BMP7: variants seen among roughly 807,000 people sequenced by gnomAD.
BMP7 encodes the protein osteogenic protein 1.
In BMP7, 12 loss-of-function variants were observed where a neutral mutation model predicts 41.2. That is an observed-to-expected ratio of 0.29 (90% CI 0.19 to 0.47). The LOEUF (loss-of-function observed/expected upper bound fraction) is 0.47, where lower values mean the gene tolerates loss of function less well. BMP7 is among the 20% of genes least tolerant of loss of function. BMP7 has a pLI of 0.99. For missense variants in BMP7, 467 were observed against 606.0 expected, an observed-to-expected ratio of 0.77 and a Z score of 2.41; for synonymous variants, 248 against 250.0, an observed-to-expected ratio of 0.99 and a Z score of 0.07.
chr20:57,173,533 A>G (rs962256697), intron 5 of BMP7: 5 of 620,994 alleles, frequency 8.1e-6, no homozygotes, highest in Non-Finnish European at 1.4e-5. Context: ...GTCTTGGCCT[A>G]TAGTCCAAGC....
chr20:57,195,261 CT>C lies in BMP7; in HGVS notation c.760+7213del, dbSNP rs368019400. ...GGGTGGCATCTCGGTTTCCTTGTGGCTTTTTTGTTTTCCAGGCCCAGGGCTA... is the reference window on the plus strand; with the variant it reads ...GGGTGGCATCTCGGTTTCCTTGTGGCTTTTTGTTTTCCAGGCCCAGGGCTA... On this transcript the variant is annotated intron_variant, in intron 3 of 6. Coordinates refer to ENST00000395863, the MANE Select transcript of BMP7 (RefSeq NM_001719.3). Among the ~76,000 whole-genome samples, 510 of 152,270 alleles carry C rather than the reference CT, an allele frequency of 3.3e-3. 4 individuals are homozygous for C. The highest frequency in any genetic ancestry group is 0.011 in the African/African-American group (474 of 41,546).
intron 2 of BMP7, among the ~76,000 whole-genome samples, chr20:57,219,809 C>T (rs1258845035): frequency 3.3e-5 from 5 of 152,170 alleles, no homozygotes; most frequent in African/African-American, 9.7e-5. Context: ...CCCCACTGCC[C>T]GATGCTCCTA....
Position 57,171,226 on chromosome 20 carries a change from T to C in BMP7, c.1147-118A>G. 7.0e-7 allele frequency: 1 copy of C among 1,428,742 alleles called. No homozygotes were observed. The highest frequency in any genetic ancestry group is 9.7e-7 in the Non-Finnish European group (1 of 1,029,922). 88.5% of individuals were successfully genotyped at this position (1,428,742 alleles called of 1,614,324 possible). A position where few individuals can be genotyped will look rare whatever the true frequency, so the allele number is the denominator to read the frequency against. Reference sequence around the variant, plus strand: ...CATAATGAATGACTGCAGGTGACACTCCCCAAGCCAAGCACTCCCTGTTCT... The same window carrying C: ...CATAATGAATGACTGCAGGTGACACCCCCCAAGCCAAGCACTCCCTGTTCT... On this transcript the variant is annotated intron_variant, in intron 6 of 6. Transcript: ENST00000395863. The surrounding 1 kb of genome is among the most constrained non-coding windows in gnomAD (Gnocchi z 4.5).
intron 3 of BMP7, among the ~76,000 whole-genome samples, chr20:57,191,452 C>CT (rs1984355271): frequency 6.6e-6 from 1 of 152,112 alleles, no homozygotes; most frequent in Non-Finnish European, 1.5e-5. Flanking sequence ...AATCCCAGCA[C>CT]TTTGGGAGGC....
Position 57,183,871 on chromosome 20 carries a change from G to C in BMP7, c.809C>G (p.Pro270Arg), listed in dbSNP as rs1247722047. Residue 270 changes from proline (P) to arginine (R), a missense_variant, in exon 4 of 7, where the codon CCC becomes CGC. Physicochemically the swap from Pro to Arg is moderately radical, Grantham distance 103. This residue lies in a region of BMP7 where 407 missense variants were observed against 485.9 expected (regional missense o/e 0.84). Transcript: ENST00000395863. ...KLAGLIGRHG[P>R]QNKQPFMVAF... is the part of the protein sequence containing the mutation. ...CACCATGAAGGGCTGCTTGTTCTGG[G>C]GCCCGTGCCGCCCAATCAGGCCCGC... 6 of 1,614,144 alleles carry C rather than the reference G, an allele frequency of 3.7e-6. No homozygotes were observed. Among genetic ancestry groups the C allele is most frequent in the Non-Finnish European group, 5.1e-6 (6 of 1,180,044 alleles).
rs2066176161 is a variant in BMP7, at chr20:57,265,972, G to T, written c.151C>A (p.Arg51=). ...AGGATCTCGCGCTGCATCTCCCGCC[G>T]CTCCTGGCTGCGGAGGCGCCGGTGG... is the stretch of plus-strand genomic sequence containing the variant. ...FIHRRLRSQE[R]REMQREILSI... is the part of the protein sequence containing the mutation. Residue 51 remains arginine, a synonymous_variant, in exon 1 of 7, where the codon CGG becomes AGG. Coordinates refer to ENST00000395863, the MANE Select transcript of BMP7 (RefSeq NM_001719.3). 4 of 1,551,442 alleles carry T rather than the reference G, an allele frequency of 2.6e-6. No individual in the cohort carries two copies. In the East Asian group the frequency reaches 7.3e-5, roughly 28 times the overall value.
chr20:57,171,237 A>C lies in BMP7; in HGVS notation c.1147-129T>G, dbSNP rs1386101762. The C allele has an allele frequency of 2.3e-6, 3 of 1,326,458 alleles. No homozygotes were observed. The South Asian group carries it at 3.8e-5, about 17-fold the overall frequency. The allele number at this position is 1,326,458 out of a possible 1,614,324, so 82.2% of individuals were successfully genotyped here. On this transcript the variant is annotated intron_variant, in intron 6 of 6. Transcript: ENST00000395863. This position sits in a 1 kb window ranked among gnomAD's most constrained non-coding sequence, Gnocchi z 4.5. ...ACTGCAGGTGACACTCCCCAAGCCA[A>C]GCACTCCCTGTTCTAAGCACTTTAC... is the stretch of plus-strand genomic sequence containing the variant.
intron 3 of BMP7, among the ~76,000 whole-genome samples, chr20:57,195,033 G>A (rs1984460190): frequency 6.6e-6 from 1 of 152,192 alleles, no homozygotes; most frequent in Admixed American, 6.5e-5. Context: ...GGAGCCTGGT[G>A]GAGATAGGAC....
At position 57,171,992 on chromosome 20, in the gene BMP7, A is replaced by G. The variant is rs1217811414; in HGVS notation, c.1147-884T>C. 6.6e-6 allele frequency among the ~76,000 whole-genome samples: 1 copy of G among 152,238 alleles called. No homozygotes were observed. Among genetic ancestry groups the G allele is most frequent in the African/African-American group, 2.4e-5 (1 of 41,460 alleles). On this transcript the variant is annotated intron_variant, in intron 6 of 6. Transcript: ENST00000395863. The surrounding 1 kb of genome is among the most constrained non-coding windows in gnomAD (Gnocchi z 4.5). ...AGAAGACAGTTGCCCCCTTTTAAAC[A>G]TGACCACAATCGCATCATTTCACAA...
chr20:57,171,122 C>G lies in BMP7; in HGVS notation c.1147-14G>C. On this transcript the variant is annotated splice_polypyrimidine_tract_variant and intron_variant, in intron 6 of 6. Transcript: ENST00000395863. This position sits in a 1 kb window ranked among gnomAD's most constrained non-coding sequence, Gnocchi z 4.5. The stretch of plus-strand genomic sequence containing the variant: ...GATGAAGTGGACCTGAAACACACAC[C>G]AAAACATGGGCAGTGGTGAGAAGCG... 6.2e-7 allele frequency: 1 copy of G among 1,614,094 alleles called. No homozygotes were observed. Among genetic ancestry groups the G allele is most frequent in the South Asian group, 1.1e-5 (1 of 91,058 alleles).
chr20:57,256,462 C>T (rs187200174), intron 1 of BMP7, among the ~76,000 whole-genome samples: 1 of 152,334 alleles, frequency 6.6e-6, no homozygotes, highest in East Asian at 1.9e-4. Flanking sequence ...GTATCGTCAT[C>T]TCCTTGCCAA....
intron 2 of BMP7, among the ~76,000 whole-genome samples, chr20:57,204,829 A>C (rs1195385956): frequency 2.0e-5 from 3 of 152,190 alleles, no homozygotes; most frequent in African/African-American, 7.2e-5. Flanking sequence ...GAAAATGCTT[A>C]ATTCTGTTAT....
intron 1 of BMP7, among the ~76,000 whole-genome samples, chr20:57,265,475 A>T (rs1424339276): frequency 6.6e-6 from 1 of 152,196 alleles, no homozygotes; most frequent in Non-Finnish European, 1.5e-5. Flanking sequence ...ACTTCGGAGG[A>T]TCCCTCCTTC....
intron 2 of BMP7, among the ~76,000 whole-genome samples, chr20:57,207,890 C>T (rs1053759862): frequency 9.5e-5 from 13 of 136,276 alleles, no homozygotes; most frequent in East Asian, 4.8e-4. Flanking sequence ...ACTGCAGTGG[C>T]GCAATCTCGG....
At chr20:57,230,882 T>C (rs2066026904) in intron 1 of BMP7, among the ~76,000 whole-genome samples, 1 of 151,950 alleles carries the variant, frequency 6.6e-6, no homozygotes, top group Non-Finnish European at 1.5e-5. Context: ...TTTCACCATG[T>C]TAGCCAGGAT....
chr20:57,235,486 C>T (rs1410033277), intron 1 of BMP7, among the ~76,000 whole-genome samples: 1 of 152,196 alleles, frequency 6.6e-6, no homozygotes, highest in East Asian at 1.9e-4. Context: ...AAAGGAGACA[C>T]AGTCCCTAAA....
chr20:57,244,291 TGC>T (rs1423633477), intron 1 of BMP7, among the ~76,000 whole-genome samples: 1 of 152,024 alleles, frequency 6.6e-6, no homozygotes, highest in East Asian at 1.9e-4. Flanking sequence ...GTCCATGGAG[TGC>T]CTGGCACATG....
intron 1 of BMP7, among the ~76,000 whole-genome samples, chr20:57,237,028 C>T (rs961296687): frequency 6.6e-6 from 1 of 152,212 alleles, no homozygotes; most frequent in Admixed American, 6.5e-5. Flanking sequence ...AAAGATGCCG[C>T]TAAACTATGA....
intron 1 of BMP7, among the ~76,000 whole-genome samples, chr20:57,241,605 A>G (rs1056318301): frequency 6.6e-6 from 1 of 152,168 alleles, no homozygotes; most frequent in African/African-American, 2.4e-5. Flanking sequence ...CTGGCTCTCC[A>G]AGAGGGTCTT....
Sources: gnomAD v4.1 joint callset for allele counts (sites outside exome capture counted in the v4.1 genomes callset) on GRCh38, gnomAD v4.1.1 for gene constraint, gnomAD v4.1.1 regional missense constraint, Gnocchi (gnomAD v3.1) non-coding constraint, MANE v1.5 for transcripts, NCBI Gene and HGNC (gene_info 2026-07-23, HGNC 2026-07-21) for gene names.